NOVA1: variants seen among roughly 807,000 people sequenced by gnomAD.
The protein encoded by NOVA1 is RNA-binding protein Nova-1.
A neutral mutation model predicts 38.0 loss-of-function variants in NOVA1; 7 were observed. That is an observed-to-expected ratio of 0.18 (90% CI 0.10 to 0.35). NOVA1 has a LOEUF of 0.35. Among genes scored for constraint, NOVA1 ranks in the 10% least tolerant of loss-of-function variants. The pLI, the probability that NOVA1 is intolerant of heterozygous loss-of-function variation, is 1.00. For synonymous variants in NOVA1, 270 were observed against 232.5 expected (o/e 1.16, Z -1.47); for missense variants, 460 against 616.0 (o/e 0.75, Z 2.68).
At chr14:26,586,734 A>C (rs574751819) in intron 2 of NOVA1, among the ~76,000 whole-genome samples, 2 of 151,316 alleles carry the variant, frequency 1.3e-5, no homozygotes, top group Admixed American at 1.3e-4. Context: ...CAGTATAATT[A>C]AGGAAAGAGA....
At chr14:26,500,648 A>C (rs939500800) in intron 2 of NOVA1, among the ~76,000 whole-genome samples, 17 of 152,128 alleles carry the variant, frequency 1.1e-4, no homozygotes, top group African/African-American at 3.9e-4. Flanking sequence ...AAAACAGATA[A>C]AAGTTGGAAA....
At chr14:26,571,758 T>G (rs906092053) in intron 2 of NOVA1, among the ~76,000 whole-genome samples, 1 of 152,194 alleles carries the variant, frequency 6.6e-6, no homozygotes, top group Non-Finnish European at 1.5e-5. Flanking sequence ...AAGAAGGCAT[T>G]AATGGCCAGT....
In NOVA1 at chr14:26,576,338, C is replaced by T. The variant is rs186215065; in HGVS notation, c.280+19072G>A. ...AGGTGTAAAACATGATGTTTTGATA[C>T]GCATATACATAGTGAAATGATTATA... On this transcript the variant is annotated intron_variant, in intron 2 of 4. Coordinates refer to ENST00000539517, the MANE Select transcript of NOVA1 (RefSeq NM_002515.3). Among the ~76,000 whole-genome samples the T allele has an allele frequency of 3.4e-4, 51 of 151,106 alleles. No individual in the cohort carries two copies. In the East Asian group the frequency reaches 3.8e-3, roughly 11 times the overall value.
chr14:26,559,739 G>A (rs944784189), intron 2 of NOVA1, among the ~76,000 whole-genome samples: 3 of 152,112 alleles, frequency 2.0e-5, no homozygotes, highest in Non-Finnish European at 4.4e-5. Context: ...GGCTGGGAAG[G>A]GTTGAGTGGA....
At chr14:26,569,047 T>C (rs1200497145) in intron 2 of NOVA1, among the ~76,000 whole-genome samples, 1 of 152,170 alleles carries the variant, frequency 6.6e-6, no homozygotes, top group Non-Finnish European at 1.5e-5. Context: ...GGAAACCACC[T>C]TTATCCTAGG....
intron 4 of NOVA1, among the ~76,000 whole-genome samples, chr14:26,466,590 A>C (rs1210053041): frequency 1.3e-5 from 2 of 152,226 alleles, no homozygotes; most frequent in African/African-American, 4.8e-5. Flanking sequence ...ATAATTCTGC[A>C]CATGTGAGGA....
chr14:26,563,120 A>G (rs990748880), intron 2 of NOVA1, among the ~76,000 whole-genome samples: 2 of 152,126 alleles, frequency 1.3e-5, no homozygotes, highest in African/African-American at 4.8e-5. Flanking sequence ...CCAAATATGT[A>G]GCACCACATT....
intron 4 of NOVA1, among the ~76,000 whole-genome samples, chr14:26,461,478 G>GGAGATCC (rs1216155319): frequency 6.6e-6 from 1 of 152,006 alleles, no homozygotes; most frequent in African/African-American, 2.4e-5. Flanking sequence ...TTGCCCTAAG[G>GGAGATCC]GAGATCCGAT....
At chr14:26,460,867 C>T (rs178220) in intron 4 of NOVA1, among the ~76,000 whole-genome samples, 142,207 of 152,214 alleles carry the variant, frequency 0.93, 67,147 homozygotes, top group East Asian at 1. Flanking sequence ...CTATCCAATT[C>T]TACTATTTTA....
chr14:26,462,434 T>C (rs185245889), intron 4 of NOVA1, among the ~76,000 whole-genome samples: 1 of 151,888 alleles, frequency 6.6e-6, no homozygotes, highest in Admixed American at 6.5e-5. Flanking sequence ...CATGTGATAG[T>C]GTTTCTCAAA....
chr14:26,466,111 CAGAGAAAAGCA>C (rs1294736125), intron 4 of NOVA1, among the ~76,000 whole-genome samples: 1 of 151,988 alleles, frequency 6.6e-6, no homozygotes, highest in Non-Finnish European at 1.5e-5. Context: ...GAATTTCATG[CAGAGAAAAGCA>C]AGAGAAAAAT....
Position 26,447,912 on chromosome 14 carries a change from A to C in NOVA1, c.*47T>G. ...AAAGTACAGTACATCCTTCTTGAAA[A>C]TGGGGTAAAGGAGGGGTTAAAACAA... is the stretch of plus-strand genomic sequence containing the variant. On this transcript the variant is annotated 3_prime_UTR_variant, in exon 5 of 5. Transcript: ENST00000539517. 6.8e-7 allele frequency: 1 copy of C among 1,478,032 alleles called. No individual in the cohort carries two copies. Among genetic ancestry groups the C allele is most frequent in the Non-Finnish European group, 9.4e-7 (1 of 1,061,712 alleles). The allele number at this position is 1,478,032 out of a possible 1,614,324, so 91.6% of individuals were successfully genotyped here.
At chr14:26,458,816 C>T (rs939490436) in intron 4 of NOVA1, among the ~76,000 whole-genome samples, 6 of 151,716 alleles carry the variant, frequency 4.0e-5, no homozygotes, top group African/African-American at 1.5e-4. Flanking sequence ...AAAATAAATG[C>T]TGAAAGGAAA....
intron 2 of NOVA1, among the ~76,000 whole-genome samples, chr14:26,584,029 A>C (rs1421209594): frequency 6.6e-6 from 1 of 151,518 alleles, no homozygotes. Flanking sequence ...AGAAACAAGA[A>C]ACATTTCTTC....
chr14:26,570,446 T>C (rs1269204408), intron 2 of NOVA1, among the ~76,000 whole-genome samples: 2 of 151,716 alleles, frequency 1.3e-5, no homozygotes, highest in Non-Finnish European at 2.9e-5. Flanking sequence ...GGTTATAGTA[T>C]TAAAAATCCC....
chr14:26,510,341 T>C (rs1203345458), intron 2 of NOVA1, among the ~76,000 whole-genome samples: 1 of 152,166 alleles, frequency 6.6e-6, no homozygotes, highest in Non-Finnish European at 1.5e-5. Context: ...GGTAAAACAA[T>C]AGAAGATAAA....
intron 2 of NOVA1, among the ~76,000 whole-genome samples, chr14:26,502,055 TA>T (rs1887280981): frequency 6.6e-6 from 1 of 151,556 alleles, no homozygotes; most frequent in South Asian, 2.1e-4. Context: ...CAGAATCAAC[TA>T]AACAAATCCA....
chr14:26,597,512 T>TC lies in NOVA1; in HGVS notation c.-77_-76insG, dbSNP rs1439866634. Reference sequence around the variant, plus strand: ...GGCTTTTTCTTTTCTTTTTTCTTTTTTTTTTTTTTTTTTTTTTGCGTTTGG... The same window carrying TC: ...GGCTTTTTCTTTTCTTTTTTCTTTTTCTTTTTTTTTTTTTTTTTGCGTTTGG... On this transcript the variant is annotated 5_prime_UTR_variant, in exon 1 of 5. Transcript: ENST00000539517. 2.3e-5 allele frequency: 26 copies of TC among 1,115,874 alleles called. No homozygotes were observed. In the East Asian group the frequency reaches 2.5e-4, roughly 11 times the overall value. 69.1% of individuals were successfully genotyped at this position (1,115,874 alleles called of 1,614,324 possible). A position where few individuals can be genotyped will look rare whatever the true frequency, so the allele number is the denominator to read the frequency against.
chr14:26,481,988 T>TAAAAAAAAA lies in NOVA1; in HGVS notation c.281-1854_281-1846dup, dbSNP rs372806170. Among the ~76,000 whole-genome samples the TAAAAAAAAA allele has an allele frequency of 1.6e-3, 172 of 105,888 alleles. 7 individuals carry two copies. The highest frequency in any genetic ancestry group is 5.3e-3 in the African/African-American group (104 of 19,684). The allele number at this position is 105,888 out of a possible 152,430, so 69.5% of individuals were successfully genotyped here. On this transcript the variant is annotated intron_variant, in intron 2 of 4. Coordinates refer to ENST00000539517, the MANE Select transcript of NOVA1 (RefSeq NM_002515.3). ...CAAAACAGTCTAACTTAGATAGAGA[T>TAAAAAAAAA]AAAAAAAAAAAAAAAAAAAAAAAAA...
Sources: gnomAD v4.1 joint callset for allele counts (sites outside exome capture counted in the v4.1 genomes callset) on GRCh38, gnomAD v4.1.1 for gene constraint, MANE v1.5 for transcripts, NCBI Gene and HGNC (gene_info 2026-07-23, HGNC 2026-07-21) for gene names.